PGPEP1: variants seen among roughly 807,000 people sequenced by gnomAD.
The protein encoded by PGPEP1 is pyroglutamyl-peptidase I, also known as pyroglutamyl-peptidase 1.
A neutral mutation model predicts 24.1 loss-of-function variants in PGPEP1; 15 were observed. The observed-to-expected ratio is 0.62, with a 90% CI of 0.42 to 0.96. The LOEUF (loss-of-function observed/expected upper bound fraction) is 0.96. Among genes scored for constraint, PGPEP1 ranks in the 40% least tolerant of loss-of-function variants. PGPEP1 has a pLI of 0.00. For synonymous variants in PGPEP1, 122 were observed against 116.4 expected (o/e 1.05, Z -0.31); for missense variants, 242 against 273.4 (o/e 0.89, Z 0.81).
chr19:18,357,407 G>A lies in PGPEP1; in HGVS notation c.229G>A (p.Gly77Ser). 6.2e-7 allele frequency: 1 copy of A among 1,613,878 alleles called. No individual in the cohort carries two copies. The highest frequency in any genetic ancestry group is 8.5e-7 in the Non-Finnish European group (1 of 1,179,922). ...PQLVVHVGVS[G>S]MATTVTLEKC... is the part of the protein sequence containing the mutation. The stretch of plus-strand genomic sequence containing the variant: ...GCTGGTGGTGCATGTGGGGGTGTCA[G>A]GCATGGCGACCACAGTCACACTGGA... Residue 77 changes from glycine to serine, a missense_variant, in exon 4 of 5, where the codon GGC becomes AGC. Physicochemically the swap from Gly to Ser is moderately conservative, Grantham distance 56 (BLOSUM62 0). Transcript: ENST00000269919.
At chr19:18,349,606 GT>G (rs1466250672) in intron 2 of PGPEP1, among the ~76,000 whole-genome samples, 2 of 152,128 alleles carry the variant, frequency 1.3e-5, no homozygotes, top group Admixed American at 6.6e-5. Context: ...TTATTTTATT[GT>G]TTTTGATTTT....
At position 18,341,921 on chromosome 19, in the gene PGPEP1, TTTTGA is replaced by T; in HGVS notation, c.35-937_35-933del. 1.3e-5 allele frequency among the ~76,000 whole-genome samples: 2 copies of T among 152,068 alleles called. 1 individual carries two copies. The highest frequency in any genetic ancestry group is 4.1e-4 in the South Asian group (2 of 4,822). Reference sequence around the variant, plus strand: ...GCCCAGATGGACCGTATTTTTTTTTTTTTGAGACGGAGTTTTGCTCTTGTTGCCCA... The same window carrying T: ...GCCCAGATGGACCGTATTTTTTTTTTGACGGAGTTTTGCTCTTGTTGCCCA... On this transcript the variant is annotated intron_variant, in intron 1 of 4. Transcript: ENST00000269919.
rs1011874893 is a variant in PGPEP1 at position 18,361,522 on chromosome 19, G to A, written c.438-1869G>A. The stretch of plus-strand genomic sequence containing the variant: ...CTGGTCTCGAACTCATGGAGTCAAG[G>A]GATCCTCCCACTTCAGCCTCCCAAA... On this transcript the variant is annotated intron_variant, in intron 4 of 4. Coordinates refer to ENST00000269919, the MANE Select transcript of PGPEP1 (RefSeq NM_017712.4). 4.7e-5 allele frequency among the ~76,000 whole-genome samples: 7 copies of A among 149,828 alleles called. No homozygotes were observed. The East Asian group carries it at 6.0e-4, about 13-fold the overall frequency.
In PGPEP1 at chr19:18,363,168, G is replaced by A. The variant is rs190346780; in HGVS notation, c.438-223G>A. On this transcript the variant is annotated intron_variant, in intron 4 of 4. Transcript: ENST00000269919. ...CCTCCTGGGCTCAAACAATCCTCCC[G>A]CCTCAACCTCCTGAGTAGCTGGGAC... is the stretch of plus-strand genomic sequence containing the variant. Among the ~76,000 whole-genome samples, 8 of 151,720 alleles carry A rather than the reference G, an allele frequency of 5.3e-5. No homozygotes were observed. In the East Asian group the frequency reaches 7.8e-4, roughly 15 times the overall value.
chr19:18,359,290 G>C (rs1971276559), intron 4 of PGPEP1, among the ~76,000 whole-genome samples: 1 of 152,010 alleles, frequency 6.6e-6, no homozygotes, highest in Non-Finnish European at 1.5e-5. Flanking sequence ...CCTTCCCTAT[G>C]GCTCCCATTG....
chr19:18,357,344 G>C (rs767342983), intron 3 of PGPEP1, 39 bp from the exon 4 acceptor site: 1 of 1,529,736 alleles, frequency 6.5e-7, no homozygotes, highest in Non-Finnish European at 9.0e-7. Flanking sequence ...TGAGTCCCAC[G>C]GGCAGGCCAT....
intron 2 of PGPEP1, among the ~76,000 whole-genome samples, chr19:18,348,447 G>A (rs552227706): frequency 4.6e-5 from 7 of 152,078 alleles, no homozygotes; most frequent in South Asian, 4.2e-4. Context: ...ACAATGGGGC[G>A]TCTGCCCGAG....
intron 2 of PGPEP1, among the ~76,000 whole-genome samples, chr19:18,346,044 G>A (rs1365985974): frequency 6.7e-6 from 1 of 150,030 alleles, no homozygotes; most frequent in East Asian, 1.9e-4. Context: ...TCAAGATCTC[G>A]AACATTCTCT....
Position 18,365,415 on chromosome 19 carries a change from T to C in PGPEP1, c.*1832T>C, listed in dbSNP as rs1246376557. The C allele has an allele frequency of 6.6e-6, 1 of 152,288 alleles. No individual in the cohort carries two copies. The highest frequency in any genetic ancestry group is 2.4e-5 in the African/African-American group (1 of 41,426). The allele number at this position is 152,288 out of a possible 1,614,324, so 9.4% of individuals were successfully genotyped here. ...TGGAGTACAGTAGTGTGATCATGGATCACTGCAGCCTCTACCTCCTGGGCT... is the reference window on the plus strand; with the variant it reads ...TGGAGTACAGTAGTGTGATCATGGACCACTGCAGCCTCTACCTCCTGGGCT... On this transcript the variant is annotated 3_prime_UTR_variant, in exon 5 of 5. Coordinates refer to ENST00000269919, the MANE Select transcript of PGPEP1 (RefSeq NM_017712.4).
chr19:18,349,003 TC>T, intron 2 of PGPEP1: 1 of 535,328 alleles, frequency 1.9e-6, no homozygotes, highest in Non-Finnish European at 2.4e-6. Flanking sequence ...GCTCAAATGA[TC>T]CTTCCACCTC....
intron 3 of PGPEP1, 119 bp from the exon 4 acceptor site, chr19:18,357,264 A>G: frequency 2.9e-6 from 2 of 684,802 alleles, no homozygotes; most frequent in South Asian, 1.8e-5. Flanking sequence ...GCAAGAGGTC[A>G]GAAACAACAC....
In PGPEP1 at chr19:18,364,091, T is replaced by TCTTTCTTTCTTTCTTTCTTG. The variant is rs1971440736; in HGVS notation, c.*527_*528insGCTTTCTTTCTTTCTTTCTT. The TCTTTCTTTCTTTCTTTCTTG allele has an allele frequency of 9.6e-6, 1 of 104,056 alleles. No homozygotes were observed. The highest frequency in any genetic ancestry group is 1.8e-5 in the Non-Finnish European group (1 of 56,170). 6.4% of individuals were successfully genotyped at this position (104,056 alleles called of 1,614,324 possible). A position where few individuals can be genotyped will look rare whatever the true frequency, so the allele number is the denominator to read the frequency against. ...ATATGGCTGGCTGGCTGGCTTTCTT[T>TCTTTCTTTCTTTCTTTCTTG]CTTTCTTTCTTTCTTTCTTTCTTGC... is the stretch of plus-strand genomic sequence containing the variant. On this transcript the variant is annotated 3_prime_UTR_variant, in exon 5 of 5. Coordinates refer to ENST00000269919, the MANE Select transcript of PGPEP1 (RefSeq NM_017712.4).
chr19:18,340,787 G>T, intron 1 of PGPEP1, 72 bp downstream of exon 1: 1 of 1,130,968 alleles, frequency 8.8e-7, no homozygotes, highest in East Asian at 3.1e-5. Context: ...GGACTGCGGG[G>T]CCGAGAGGGG....
intron 1 of PGPEP1, 105 bp from the exon 2 acceptor site, chr19:18,342,754 C>T (rs930397841): frequency 6.9e-6 from 6 of 874,070 alleles, no homozygotes; most frequent in Admixed American, 4.0e-5. Flanking sequence ...GCAGCTGCGC[C>T]CTGAAGCTCC....
At chr19:18,346,031 A>C (rs940993358) in intron 2 of PGPEP1, among the ~76,000 whole-genome samples, 9 of 148,906 alleles carry the variant, frequency 6.0e-5, no homozygotes, top group Non-Finnish European at 1.0e-4. Context: ...CCCAAGGGCC[A>C]GGTCAAGATC....
chr19:18,342,411 GC>G lies in PGPEP1; in HGVS notation c.35-446del, dbSNP rs532243428. ...GCGACTGTCGTGTTTTGGAAAGGGG[GC>G]CTGGAGTTTGAGCTAGCAGGGAGGA... is the stretch of plus-strand genomic sequence containing the variant. On this transcript the variant is annotated intron_variant, in intron 1 of 4. Transcript: ENST00000269919. 6.6e-5 allele frequency among the ~76,000 whole-genome samples: 10 copies of G among 152,322 alleles called. No individual in the cohort carries two copies. The East Asian group carries it at 1.9e-3, about 29-fold the overall frequency.
In PGPEP1 at chr19:18,357,402, T is replaced by C. The variant is rs1485135918; in HGVS notation, c.224T>C (p.Val75Ala). The C allele has an allele frequency of 5.6e-6, 9 of 1,613,104 alleles. No homozygotes were observed. The highest frequency in any genetic ancestry group is 1.7e-4 in the Middle Eastern group (1 of 6,058). Reference protein sequence around the residue: ...HSPQLVVHVGVSGMATTVTLE... With the variant: ...HSPQLVVHVGASGMATTVTLE... ...GTGCAGCTGGTGGTGCATGTGGGGG[T>C]GTCAGGCATGGCGACCACAGTCACA... Residue 75 changes from valine (V) to alanine (A), a missense_variant, in exon 4 of 5, where the codon GTG becomes GCG. Transcript: ENST00000269919.
chr19:18,340,914 T>G (rs1970653481), intron 1 of PGPEP1, among the ~76,000 whole-genome samples, 199 bp downstream of exon 1: 1 of 151,254 alleles, frequency 6.6e-6, no homozygotes, highest in Non-Finnish European at 1.5e-5. Flanking sequence ...GGGTCGGGAG[T>G]CAGGGCAGTC....
intron 2 of PGPEP1, among the ~76,000 whole-genome samples, chr19:18,352,727 T>C (rs1971073848): frequency 1.3e-5 from 2 of 151,752 alleles, no homozygotes; most frequent in South Asian, 4.2e-4. Flanking sequence ...AGATAATTTT[T>C]GTATTTTTCA....
Sources: allele counts gnomAD v4.1 joint callset (sites outside exome capture counted in the v4.1 genomes callset), GRCh38; gene constraint gnomAD v4.1.1; transcripts MANE v1.5; gene names NCBI Gene and HGNC (gene_info 2026-07-23, HGNC 2026-07-21).